Variants in PSMA3 observed in about 807,000 individuals in gnomAD.
PSMA3 encodes the protein proteasome 20S subunit alpha 3.
PSMA3 carries 8 observed loss-of-function variants against 40.0 expected under a neutral mutation model. The ratio of observed to expected loss-of-function variants is 0.20; its 90% CI spans 0.12 to 0.36. The LOEUF is 0.36. Among genes scored for constraint, PSMA3 ranks in the 10% least tolerant of loss-of-function variants. PSMA3 has a pLI of 1.00. For synonymous variants in PSMA3, 110 were observed against 100.0 expected (o/e 1.10, Z -0.59); for missense variants, 219 against 310.6 (o/e 0.70, Z 2.22).
rs1000401813 is a variant in PSMA3, at chr14:58,270,327, T to C, written c.591-91T>C. On this transcript the variant is annotated intron_variant, in intron 8 of 10. Transcript: ENST00000216455. ...ATTTTATAGATACTTTTATTATGGATGGACATTCTAATTTGTACTGACTTT... is the reference window on the plus strand; with the variant it reads ...ATTTTATAGATACTTTTATTATGGACGGACATTCTAATTTGTACTGACTTT... 172 of 1,529,508 alleles carry C rather than the reference T, an allele frequency of 1.1e-4. No homozygotes were observed. In the African/African-American group the frequency reaches 2.3e-3, roughly 20 times the overall value. The allele number at this position is 1,529,508 out of a possible 1,614,324, so 94.7% of individuals were successfully genotyped here.
At chr14:58,250,608 G>C (rs1889989031) in intron 2 of PSMA3, among the ~76,000 whole-genome samples, 1 of 152,152 alleles carries the variant, frequency 6.6e-6, no homozygotes, top group African/African-American at 2.4e-5. Context: ...AAAGTGTTGG[G>C]GAAGGAGTGT....
intron 7 of PSMA3, chr14:58,266,075 C>T (rs181305216): frequency 1.3e-4 from 20 of 152,284 alleles, no homozygotes; most frequent in African/African-American, 2.6e-4. Context: ...TATCAAGGTT[C>T]GCATTTTCTT....
chr14:58,266,816 T>C (rs1196317617), intron 7 of PSMA3: 1 of 152,190 alleles, frequency 6.6e-6, no homozygotes, highest in African/African-American at 2.4e-5. Context: ...ATATAGTAAA[T>C]ATTAATGACT....
At chr14:58,270,820 C>A in intron 9 of PSMA3, 114 bp from the exon 10 acceptor site, 1 of 935,146 alleles carries the variant, frequency 1.1e-6, no homozygotes, top group Non-Finnish European at 1.6e-6. Flanking sequence ...CATAGTACAA[C>A]TTTGCAACCT....
intron 3 of PSMA3, among the ~76,000 whole-genome samples, chr14:58,252,981 CTTTT>C (rs1231347254): frequency 1.5e-5 from 2 of 132,374 alleles, no homozygotes; most frequent in Admixed American, 7.6e-5. Context: ...ATGTCATTTT[CTTTT>C]TTTTTTTTTT....
chr14:58,267,746 C>A, intron 8 of PSMA3: 1 of 783,978 alleles, frequency 1.3e-6, no homozygotes, highest in African/African-American at 1.8e-5. Context: ...ACAAAATAAA[C>A]TCCTGTTACA....
intron 8 of PSMA3, chr14:58,268,873 G>T (rs953984072): frequency 6.6e-6 from 1 of 152,006 alleles, no homozygotes; most frequent in Non-Finnish European, 1.5e-5. Context: ...CCTCCAAAAA[G>T]TAAGGTATGT....
At chr14:58,256,766 C>T (rs1021807071) in intron 3 of PSMA3, among the ~76,000 whole-genome samples, 7 of 152,004 alleles carry the variant, frequency 4.6e-5, no homozygotes, top group South Asian at 2.1e-4. Flanking sequence ...GATTCTGAAG[C>T]GTTTTAAATT....
chr14:58,254,951 A>G (rs1019907459), intron 3 of PSMA3, among the ~76,000 whole-genome samples: 4 of 152,208 alleles, frequency 2.6e-5, no homozygotes, highest in African/African-American at 4.8e-5. Flanking sequence ...AATTATCATT[A>G]TTACTATTAC....
At chr14:58,267,236 A>T (rs1341655076) in intron 7 of PSMA3, 2 of 517,688 alleles carry the variant, frequency 3.9e-6, no homozygotes, top group Non-Finnish European at 5.2e-6. Context: ...TTCTGACTTC[A>T]GGCAATCCGG....
At chr14:58,271,251 G>GT (rs1198327103) in intron 10 of PSMA3, among the ~76,000 whole-genome samples, 1 of 103,142 alleles carries the variant, frequency 9.7e-6, no homozygotes, top group Non-Finnish European at 2.3e-5. Flanking sequence ...AGTTGCCTTG[G>GT]TTCCAAAAAA....
chr14:58,267,457 CATTTT>C lies in PSMA3; in HGVS notation c.544-11_544-7del, dbSNP rs763244662. On this transcript the variant is annotated splice_polypyrimidine_tract_variant and intron_variant, in intron 7 of 10. Transcript: ENST00000216455. ...AAATGTTCTTCTGATGAACAGTATA[CATTTT>C]ATTTTCTATAGATGAAAGAAATGAC... The C allele has an allele frequency of 4.5e-6, 7 of 1,543,690 alleles. No homozygotes were observed. The highest frequency in any genetic ancestry group is 6.1e-6 in the Non-Finnish European group (7 of 1,151,614).
At chr14:58,259,547 T>C (rs1038921044) in intron 5 of PSMA3, among the ~76,000 whole-genome samples, 1 of 152,038 alleles carries the variant, frequency 6.6e-6, no homozygotes, top group Non-Finnish European at 1.5e-5. Context: ...ACTCCTGACC[T>C]CAAGTGATCC....
At chr14:58,256,247 G>A (rs1283382967) in intron 3 of PSMA3, among the ~76,000 whole-genome samples, 1 of 152,176 alleles carries the variant, frequency 6.6e-6, no homozygotes, top group Non-Finnish European at 1.5e-5. Flanking sequence ...ATTTGCGATT[G>A]TGCCTTTTAG....
intron 6 of PSMA3, 136 bp from the exon 7 acceptor site, chr14:58,263,569 G>C: frequency 1.6e-6 from 1 of 632,464 alleles, no homozygotes; most frequent in Non-Finnish European, 2.6e-6. Flanking sequence ...ATCAGAATGT[G>C]TTTGACTATA....
intron 1 of PSMA3, 104 bp downstream of exon 1, chr14:58,245,045 C>T (rs1292475008): frequency 1.3e-6 from 2 of 1,490,120 alleles, no homozygotes; most frequent in East Asian, 2.3e-5. Context: ...GCTCTGAGAC[C>T]GCCTTCGGCT....
chr14:58,269,694 A>G (rs1890557557), intron 8 of PSMA3: 1 of 151,760 alleles, frequency 6.6e-6, no homozygotes, highest in Non-Finnish European at 1.5e-5. Context: ...TGCCTCCCCA[A>G]AGTGCTAGGA....
chr14:58,267,818 A>C (rs1890492125), intron 8 of PSMA3: 1 of 220,488 alleles, frequency 4.5e-6, no homozygotes, highest in Non-Finnish European at 8.1e-6. Flanking sequence ...AAATCTCTTA[A>C]GTCCTAATAA....
rs745665371 is a variant in PSMA3 at position 58,260,926 on chromosome 14, CTGTT to C, written c.405-18_405-15del. 6.4e-7 allele frequency: 1 copy of C among 1,551,148 alleles called. No homozygotes were observed. The highest frequency in any genetic ancestry group is 1.4e-5 in the African/African-American group (1 of 73,280). On this transcript the variant is annotated intron_variant, in intron 5 of 10. Transcript: ENST00000216455. ...TTTTATGTTATTGCCATGGTTTAAGCTGTTTGTATACTTTCATGCAGTTTCATGT... is the reference window on the plus strand; with the variant it reads ...TTTTATGTTATTGCCATGGTTTAAGCTGTATACTTTCATGCAGTTTCATGT...
Sources: allele counts gnomAD v4.1 joint callset (sites outside exome capture counted in the v4.1 genomes callset), GRCh38; gene constraint gnomAD v4.1.1; transcripts MANE v1.5; gene names NCBI Gene and HGNC (gene_info 2026-07-23, HGNC 2026-07-21).